Variants in INTS5 observed in about 807,000 individuals in gnomAD.
The protein encoded by INTS5 is integrator complex subunit 5.
In INTS5, 29 loss-of-function variants were observed where a neutral mutation model predicts 60.0. The observed-to-expected ratio is 0.48, with a 90% CI of 0.36 to 0.66. The LOEUF (loss-of-function observed/expected upper bound fraction) is 0.66. INTS5 is among the 30% of genes least tolerant of loss of function. The pLI is 0.00. For synonymous variants in INTS5, 588 were observed against 558.8 expected (o/e 1.05, Z -0.74); for missense variants, 1,129 against 1,307.9 (o/e 0.86, Z 2.11).
chr11:62,653,302 T>G lies in INTS5; in HGVS notation c.-53A>C. 1 of 1,195,220 alleles carries G rather than the reference T, an allele frequency of 8.4e-7. No homozygotes were observed. Among genetic ancestry groups the G allele is most frequent in the Non-Finnish European group, 1.1e-6 (1 of 947,226 alleles). The allele number at this position is 1,195,220 out of a possible 1,614,324, so 74.0% of individuals were successfully genotyped here. On this transcript the variant is annotated 5_prime_UTR_variant, in exon 1 of 2. It removes an upstream start codon present in the reference 5' UTR. Coordinates refer to ENST00000330574, the MANE Select transcript of INTS5 (RefSeq NM_030628.2). Reference sequence around the variant, plus strand: ...CGAGCGGCGGAGCGCAGGCGGCGCATGCGCGCTGACAGGAAACGCGAAAGG... The same window carrying G: ...CGAGCGGCGGAGCGCAGGCGGCGCAGGCGCGCTGACAGGAAACGCGAAAGG...
chr11:62,648,109 G>A lies in INTS5; in HGVS notation c.1971C>T (p.Ala657=). Residue 657 remains alanine (A), a synonymous_variant, in exon 2 of 2, where the codon GCC becomes GCT. Coordinates refer to ENST00000330574, the MANE Select transcript of INTS5 (RefSeq NM_030628.2). The surrounding 1 kb of genome is among the most constrained non-coding windows in gnomAD (Gnocchi z 4.4). ...CTGGGGGTCCATGCAGCCTCAGAGA[G>A]GCAAAGAAGCGGTGCACCCCAGCCC... The part of the protein sequence containing the change: ...LVRAGVHRFF[A]SLRLHGPPGV... 1 of 1,614,082 alleles carries A rather than the reference G, an allele frequency of 6.2e-7. No homozygotes were observed. Among genetic ancestry groups the A allele is most frequent in the Non-Finnish European group, 8.5e-7 (1 of 1,179,944 alleles).
At chr11:62,650,971 G>A (rs1565120733) in intron 1 of INTS5, among the ~76,000 whole-genome samples, 1 of 152,136 alleles carries the variant, frequency 6.6e-6, no homozygotes, top group Non-Finnish European at 1.5e-5. Context: ...CCAAAGTGCT[G>A]GCATTACAGG....
In INTS5 at chr11:62,648,245, G is replaced by C; in HGVS notation, c.1835C>G (p.Pro612Arg). The C allele has an allele frequency of 6.2e-7, 1 of 1,613,868 alleles. No homozygotes were observed. The highest frequency in any genetic ancestry group is 8.5e-7 in the Non-Finnish European group (1 of 1,180,034). ...SASAHLSDLA[P>R]LLLHPEEEVA... is the part of the protein sequence containing the mutation. ...TTCCTCCTCAGGATGTAGCAGGAGA[G>C]GAGCCAGGTCAGACAGATGGGCTGA... is the stretch of plus-strand genomic sequence containing the variant. The change falls in exon 2 of 2, where the codon CCT (proline) becomes CGT (arginine). Residue 612 changes from proline (P) to arginine (R), a missense_variant. Pro to Arg is a moderately radical substitution (Grantham distance 103). Around this residue, in one of 3 missense-constraint regions of INTS5, gnomAD observed 1,070 missense variants for 1,246.1 expected, o/e 0.86. Transcript: ENST00000330574. The surrounding 1 kb of genome is among the most constrained non-coding windows in gnomAD (Gnocchi z 4.4).
Position 62,647,418 on chromosome 11 carries a change from G to T in INTS5, c.2662C>A (p.His888Asn). 1 of 1,610,130 alleles carries T rather than the reference G, an allele frequency of 6.2e-7. No individual in the cohort carries two copies. Among genetic ancestry groups the T allele is most frequent in the East Asian group, 2.2e-5 (1 of 44,836 alleles). The change falls in exon 2 of 2, where the codon CAT (histidine) becomes AAT (asparagine). Residue 888 changes from histidine to asparagine, a missense_variant. Coordinates refer to ENST00000330574, the MANE Select transcript of INTS5 (RefSeq NM_030628.2). ...TCAGGGTGGCGAGAGGCTTCCCAAT[G>T]GCCCAAGAGGGCGGCCAGCAGCCCC... ...LRGLLAALLG[H>N]WEASRHPDTT...
rs1166798021 is a variant in INTS5, at chr11:62,648,469, C to T, written c.1611G>A (p.Gln537=). 6.2e-7 allele frequency: 1 copy of T among 1,614,086 alleles called. No individual in the cohort carries two copies. The highest frequency in any genetic ancestry group is 1.3e-5 in the African/African-American group (1 of 74,956). The change falls in exon 2 of 2, where the codon CAG becomes CAA. Residue 537 remains glutamine (Q), a synonymous_variant. Coordinates refer to ENST00000330574, the MANE Select transcript of INTS5 (RefSeq NM_030628.2). The surrounding 1 kb of genome is among the most constrained non-coding windows in gnomAD (Gnocchi z 4.4). ...RSPEELSLAT[Q]LYAGLVVSLS... is the part of the protein sequence containing the mutation. The stretch of plus-strand genomic sequence containing the variant: ...GGCTGACCACTAGCCCTGCATATAA[C>T]TGGGTGGCCAAACTCAACTCTTCAG...
rs756892407 is a variant in INTS5 at position 62,649,640 on chromosome 11, C to G, written c.440G>C (p.Trp147Ser). 3 of 1,614,186 alleles carry G rather than the reference C, an allele frequency of 1.9e-6. No individual in the cohort carries two copies. Residue 147 changes from tryptophan (W) to serine (S), a missense_variant, in exon 2 of 2, where the codon TGG (tryptophan) becomes TCG (serine). Transcript: ENST00000330574. The surrounding 1 kb of genome is among the most constrained non-coding windows in gnomAD (Gnocchi z 6.0). ...CAGTTGCCCCATGAGGTCAATGGAC[C>G]ATGCACTAATCACAGGTGCCCAGGC... ...PKAWAPVISA[W>S]SIDLMGQLSS...
chr11:62,650,407 C>T (rs1276438664), intron 1 of INTS5, among the ~76,000 whole-genome samples: 1 of 151,912 alleles, frequency 6.6e-6, no homozygotes, highest in East Asian at 1.9e-4. Flanking sequence ...TGAGCCACCG[C>T]GCCCGGCCTT....
chr11:62,653,286 G>GAGCGCAGGCGGCGC lies in INTS5; in HGVS notation c.-51_-38dup, dbSNP rs1175449420. The GAGCGCAGGCGGCGC allele has an allele frequency of 7.3e-6, 9 of 1,231,132 alleles. No individual in the cohort carries two copies. The highest frequency in any genetic ancestry group is 3.2e-5 in the East Asian group (1 of 31,514). The allele number at this position is 1,231,132 out of a possible 1,614,324, so 76.3% of individuals were successfully genotyped here. ...AGCCGAGCCCGAGGCGCGAGCGGCG[G>GAGCGCAGGCGGCGC]AGCGCAGGCGGCGCATGCGCGCTGA... On this transcript the variant is annotated 5_prime_UTR_variant, in exon 1 of 2. Coordinates refer to ENST00000330574, the MANE Select transcript of INTS5 (RefSeq NM_030628.2).
rs375529767 is a variant in INTS5 at position 62,647,938 on chromosome 11, C to T, written c.2142G>A (p.Glu714=). 4 of 1,614,090 alleles carry T rather than the reference C, an allele frequency of 2.5e-6. No individual in the cohort carries two copies. The African/African-American group carries it at 4.0e-5, about 16-fold the overall frequency. ...LFGGQVDGDN[E]TLSVVSASLA... ...AAGAAGCTGAAACAACTGAGAGAGT[C>T]TCATTGTCCCCATCTACTTGCCCAC... Residue 714 remains glutamate, a synonymous_variant, in exon 2 of 2, where the codon GAG becomes GAA. Coordinates refer to ENST00000330574, the MANE Select transcript of INTS5 (RefSeq NM_030628.2).
In INTS5 at chr11:62,647,909, G is replaced by A; in HGVS notation, c.2171C>T (p.Ala724Val). ...GTTAGTGTCCAACAGGGAGGCAGAA[G>A]CCAAAGAAGCTGAAACAACTGAGAG... Reference protein sequence around the residue: ...ETLSVVSASLASASLLDTNRR... With the variant: ...ETLSVVSASLVSASLLDTNRR... The change falls in exon 2 of 2, where the codon GCT becomes GTT. Residue 724 changes from alanine (A) to valine (V), a missense_variant. This residue lies in a region of INTS5 where 1,070 missense variants were observed against 1,246.1 expected (regional missense o/e 0.86). Coordinates refer to ENST00000330574, the MANE Select transcript of INTS5 (RefSeq NM_030628.2). 6.2e-7 allele frequency: 1 copy of A among 1,614,268 alleles called. No homozygotes were observed. Among genetic ancestry groups the A allele is most frequent in the Non-Finnish European group, 8.5e-7 (1 of 1,180,040 alleles).
At position 62,649,851 on chromosome 11, in the gene INTS5, A is replaced by G; in HGVS notation, c.229T>C (p.Leu77=). 6.2e-7 allele frequency: 1 copy of G among 1,614,158 alleles called. No homozygotes were observed. Among genetic ancestry groups the G allele is most frequent in the Non-Finnish European group, 8.5e-7 (1 of 1,180,004 alleles). Reference sequence around the variant, plus strand: ...ACACTCTCATCAAAGACACCTCTCAAGTGGTCAAGCACAGCAGCCCGAGCA... The same window carrying G: ...ACACTCTCATCAAAGACACCTCTCAGGTGGTCAAGCACAGCAGCCCGAGCA... ...PPARAAVLDH[L]RGVFDESVRA... Residue 77 remains leucine, a synonymous_variant, in exon 2 of 2, where the codon TTG becomes CTG. Transcript: ENST00000330574. The surrounding 1 kb of genome is among the most constrained non-coding windows in gnomAD (Gnocchi z 6.0).
chr11:62,649,573 A>T lies in INTS5; in HGVS notation c.507T>A (p.Ala169=), dbSNP rs3750989. 2.5e-3 allele frequency: 4,083 copies of T among 1,614,200 alleles called. 99 individuals are homozygous for T. In the East Asian group the frequency reaches 0.053, roughly 21 times the overall value. ...GTAGCAGTTCATTAAGAGCGCCAGT[A>T]GCGTGGGGAACACGCTGGTGCTGGC... ...YSGQHQRVPH[A]TGALNELLQL... is the part of the protein sequence containing the mutation. Residue 169 remains alanine, a synonymous_variant, in exon 2 of 2, where the codon GCT becomes GCA. Transcript: ENST00000330574. The surrounding 1 kb of genome is among the most constrained non-coding windows in gnomAD (Gnocchi z 6.0).
intron 1 of INTS5, among the ~76,000 whole-genome samples, chr11:62,651,663 G>A (rs1206531382): frequency 6.6e-6 from 1 of 151,980 alleles, no homozygotes; most frequent in Non-Finnish European, 1.5e-5. Flanking sequence ...TTCAAGACCA[G>A]TCTGAGGAAC....
chr11:62,647,873 G>A lies in INTS5; in HGVS notation c.2207C>T (p.Thr736Ile). The A allele has an allele frequency of 6.2e-7, 1 of 1,614,138 alleles. No individual in the cohort carries two copies. The highest frequency in any genetic ancestry group is 8.5e-7 in the Non-Finnish European group (1 of 1,179,940). The change falls in exon 2 of 2, where the codon ACT (threonine) becomes ATT (isoleucine). Residue 736 changes from threonine (T) to isoleucine (I), a missense_variant. Around this residue, in one of 3 missense-constraint regions of INTS5, gnomAD observed 1,070 missense variants for 1,246.1 expected, o/e 0.86. Coordinates refer to ENST00000330574, the MANE Select transcript of INTS5 (RefSeq NM_030628.2). ...ASLLDTNRRHTAAVPGPGGIW... is the reference protein window; with the variant it reads ...ASLLDTNRRHIAAVPGPGGIW... ...CCCTCCAGGACCTGGCACAGCTGCA[G>A]TGTGCCTCCGGTTAGTGTCCAACAG...
In INTS5 at chr11:62,648,280, C is replaced by T. The variant is rs1225902645; in HGVS notation, c.1800G>A (p.Gly600=). ...CAGACAGATGGGCTGAGGCAGATTC[C>T]CCAAAGTGCGCCCCTAGGGCTGCAG... The part of the protein sequence containing the change: ...EGPAALGAHF[G]ESASAHLSDL... The change falls in exon 2 of 2, where the codon GGG becomes GGA. Residue 600 remains glycine (G), a synonymous_variant. Transcript: ENST00000330574. The surrounding 1 kb of genome is among the most constrained non-coding windows in gnomAD (Gnocchi z 4.4). 1.2e-6 allele frequency: 2 copies of T among 1,613,850 alleles called. No homozygotes were observed. Among genetic ancestry groups the T allele is most frequent in the Non-Finnish European group, 1.7e-6 (2 of 1,180,030 alleles).
At chr11:62,650,777 A>T (rs896919646) in intron 1 of INTS5, among the ~76,000 whole-genome samples, 1 of 150,960 alleles carries the variant, frequency 6.6e-6, no homozygotes, top group African/African-American at 2.4e-5. Context: ...CCAAGATCAC[A>T]GCTCACTGCA....
At position 62,647,586 on chromosome 11, in the gene INTS5, GC is replaced by G. The variant is rs1388781526; in HGVS notation, c.2493del (p.Trp831CysfsTer31). 6.2e-7 allele frequency: 1 copy of G among 1,613,788 alleles called. No individual in the cohort carries two copies. Among genetic ancestry groups the G allele is most frequent in the Non-Finnish European group, 8.5e-7 (1 of 1,180,032 alleles). On this transcript the variant is annotated frameshift_variant, in exon 2 of 2. Coordinates refer to ENST00000330574, the MANE Select transcript of INTS5 (RefSeq NM_030628.2). LOFTEE classifies it high-confidence loss of function. ...GTGGCCCGGGCGTGTTCCTCGGGGG[GC>G]CAGGCCAGCTCTGCACCAGCTGCAT... ...CPDAAGAELAWPPEEHARATV... is the reference protein window; with the variant it reads ...CPDAAGAELAXPPEEHARATV...
Position 62,649,997 on chromosome 11 carries a change from G to A in INTS5, c.83C>T (p.Ala28Val). The change falls in exon 2 of 2, where the codon GCT becomes GTT. Residue 28 changes from alanine to valine, a missense_variant and splice_region_variant. Coordinates refer to ENST00000330574, the MANE Select transcript of INTS5 (RefSeq NM_030628.2). The surrounding 1 kb of genome is among the most constrained non-coding windows in gnomAD (Gnocchi z 6.0). ...CTTGATTTCCTGGGACAGCTCCTGA[G>A]CACTACAAGGAAGCAAAAGAAACAG... ...PATHGPAPLS[A>V]QELSQEIKAF... 1 of 1,613,186 alleles carries A rather than the reference G, an allele frequency of 6.2e-7. No individual in the cohort carries two copies. Among genetic ancestry groups the A allele is most frequent in the Non-Finnish European group, 8.5e-7 (1 of 1,179,186 alleles).
chr11:62,648,649 G>A lies in INTS5; in HGVS notation c.1431C>T (p.Leu477=), dbSNP rs572404132. The change falls in exon 2 of 2, where the codon CTC becomes CTT. Residue 477 remains leucine (L), a synonymous_variant. Transcript: ENST00000330574. The surrounding 1 kb of genome is among the most constrained non-coding windows in gnomAD (Gnocchi z 4.4). ...PPRLVPFLDA[L]KNHVGELCGE... ...CACACAGCTCTCCAACATGGTTTTT[G>A]AGCGCATCTAAAAAGGGCACCAAGC... is the stretch of plus-strand genomic sequence containing the variant. 1.2e-6 allele frequency: 2 copies of A among 1,614,030 alleles called. No homozygotes were observed. Among genetic ancestry groups the A allele is most frequent in the Admixed American group, 1.7e-5 (1 of 60,028 alleles).
Sources: gnomAD v4.1 joint callset for allele counts (sites outside exome capture counted in the v4.1 genomes callset) on GRCh38, gnomAD v4.1.1 for gene constraint, gnomAD v4.1.1 regional missense constraint, Gnocchi (gnomAD v3.1) non-coding constraint, MANE v1.5 for transcripts, NCBI Gene and HGNC (gene_info 2026-07-23, HGNC 2026-07-21) for gene names.